SORL1: variants seen among roughly 807,000 people sequenced by gnomAD.
The protein encoded by SORL1 is sortilin related receptor 1, also known as sortilin-related receptor.
SORL1 carries 127 observed loss-of-function variants against 273.7 expected under a neutral mutation model. The observed-to-expected ratio is 0.46, with a 90% CI of 0.40 to 0.54. SORL1 has a LOEUF of 0.54. Among genes scored for constraint, SORL1 ranks in the 20% least tolerant of loss-of-function variants. The pLI is 0.00. For missense variants in SORL1, 2,494 were observed against 2,846.1 expected (o/e 0.88, Z 2.81); for synonymous variants, 1,031 against 1,067.4 (o/e 0.97, Z 0.66).
intron 1 of SORL1, among the ~76,000 whole-genome samples, chr11:121,456,657 G>A (rs1171304948): frequency 2.0e-5 from 3 of 152,240 alleles, no homozygotes; most frequent in African/African-American, 7.2e-5. Flanking sequence ...TATCATTCTG[G>A]TTTATGCTAA....
chr11:121,453,530 G>C, intron 1 of SORL1, among the ~76,000 whole-genome samples: 1 of 151,988 alleles, frequency 6.6e-6, no homozygotes, highest in East Asian at 1.9e-4. Context: ...GTCGGTGGGG[G>C]AGAAAAAGTA....
In SORL1 at chr11:121,467,610, C is replaced by T. The variant is rs143861501; in HGVS notation, c.286-2397C>T. Among the ~76,000 whole-genome samples the T allele has an allele frequency of 4.9e-3, 744 of 152,024 alleles. 7 individuals are homozygous for T. The highest frequency in any genetic ancestry group is 0.017 in the African/African-American group (697 of 41,430). On this transcript the variant is annotated intron_variant, in intron 1 of 47. Transcript: ENST00000260197. ...ATAGTTTTCTATCCCCACTCTGGTT[C>T]AAGAGTGCAGATGTTTTGGGAGGGG...
At chr11:121,469,967 A>G in intron 1 of SORL1, 40 bp from the exon 2 acceptor site, 1 of 1,241,602 alleles carries the variant, frequency 8.1e-7, no homozygotes, top group African/African-American at 1.5e-5. Context: ...TGTGGCCATC[A>G]CTTATCGTGG....
At chr11:121,562,027 T>C (rs1001001651) in intron 21 of SORL1, among the ~76,000 whole-genome samples, 1 of 152,182 alleles carries the variant, frequency 6.6e-6, no homozygotes, top group African/African-American at 2.4e-5. Context: ...TTGTTTGCTC[T>C]AACCTGCTTG....
chr11:121,471,223 G>T (rs1404681008), intron 2 of SORL1, among the ~76,000 whole-genome samples: 4 of 152,206 alleles, frequency 2.6e-5, no homozygotes, highest in Non-Finnish European at 5.9e-5. Flanking sequence ...GAGGAGCATT[G>T]ACTGTCAGCT....
In SORL1 at chr11:121,589,261, C is replaced by T; in HGVS notation, c.3949C>T (p.Gln1317Ter). ...DEDAAFAGCS[Q>*]DPEFHKVCDE... The stretch of plus-strand genomic sequence containing the variant: ...ATGGATGTTTGTTCCCTCTGTAGCC[C>T]AAGATCCTGAGTTCCACAAGGTATG... The change falls in exon 29 of 48, where the codon CAA (glutamine) becomes TAA (stop). Residue 1317 changes from glutamine (Q) to a stop codon, truncating the protein, a stop_gained and splice_region_variant. Transcript: ENST00000260197. LOFTEE classifies it high-confidence loss of function. 1.9e-6 allele frequency: 3 copies of T among 1,612,948 alleles called. No homozygotes were observed. The highest frequency in any genetic ancestry group is 2.5e-6 in the Non-Finnish European group (3 of 1,179,014).
chr11:121,462,885 A>C (rs1243883664), intron 1 of SORL1, among the ~76,000 whole-genome samples: 1 of 152,108 alleles, frequency 6.6e-6, no homozygotes, highest in East Asian at 1.9e-4. Context: ...CATTTTACTA[A>C]CACCTAGTAT....
At chr11:121,490,219 A>G in intron 5 of SORL1, 109 bp downstream of exon 5, 1 of 740,784 alleles carries the variant, frequency 1.3e-6, no homozygotes, top group Non-Finnish European at 2.4e-6. Context: ...GCATTTATTC[A>G]GGAAATACAT....
intron 43 of SORL1, among the ~76,000 whole-genome samples, chr11:121,620,244 A>T (rs1010477397): frequency 6.6e-6 from 1 of 152,202 alleles, no homozygotes; most frequent in Non-Finnish European, 1.5e-5. Flanking sequence ...CTATTTTTTT[A>T]AAATAAAGTT....
chr11:121,497,138 A>C, intron 6 of SORL1, 89 bp downstream of exon 6: 1 of 1,098,522 alleles, frequency 9.1e-7, no homozygotes, highest in Non-Finnish European at 1.3e-6. Flanking sequence ...GTTTGCATAC[A>C]CAGGAATTGG....
At chr11:121,575,174 G>T (rs1862909219) in intron 24 of SORL1, among the ~76,000 whole-genome samples, 1 of 152,158 alleles carries the variant, frequency 6.6e-6, no homozygotes, top group Non-Finnish European at 1.5e-5. Flanking sequence ...CTTATTCAAG[G>T]TGACACAATT....
At chr11:121,561,396 C>G (rs565163590) in intron 21 of SORL1, among the ~76,000 whole-genome samples, 29 of 152,344 alleles carry the variant, frequency 1.9e-4, no homozygotes, top group African/African-American at 6.0e-4. Context: ...TGGTGCCAGT[C>G]AGACAGGTCT....
At chr11:121,510,012 A>G (rs1704670915) in intron 6 of SORL1, among the ~76,000 whole-genome samples, 2 of 152,318 alleles carry the variant, frequency 1.3e-5, no homozygotes, top group South Asian at 4.1e-4. Context: ...CATCCTACCA[A>G]TGGTATTGTG....
chr11:121,455,258 G>C (rs188982869), intron 1 of SORL1, among the ~76,000 whole-genome samples: 15 of 152,324 alleles, frequency 9.8e-5, no homozygotes, highest in Admixed American at 9.2e-4. Flanking sequence ...ACAATGGTGT[G>C]ATAACGGGCT....
At chr11:121,586,070 G>C (rs1190460150) in intron 26 of SORL1, 152 bp from the exon 27 acceptor site, 1 of 615,456 alleles carries the variant, frequency 1.6e-6, no homozygotes, top group Non-Finnish European at 3.0e-6. Context: ...AGAATTACTG[G>C]GTCAAAGTGT....
chr11:121,517,835 T>G (rs1861978470), intron 8 of SORL1, among the ~76,000 whole-genome samples: 1 of 152,242 alleles, frequency 6.6e-6, no homozygotes, highest in Non-Finnish European at 1.5e-5. Context: ...TGATGTTTTG[T>G]CATCTGCATC....
chr11:121,619,542 TA>T (rs1863690467), intron 42 of SORL1, among the ~76,000 whole-genome samples: 1 of 152,198 alleles, frequency 6.6e-6, no homozygotes. Flanking sequence ...TATATATGCA[TA>T]GGGGATTTCT....
chr11:121,522,603 C>G lies in SORL1; in HGVS notation c.1422C>G (p.Ser474=), dbSNP rs897317554. 1.2e-6 allele frequency: 2 copies of G among 1,614,032 alleles called. No individual in the cohort carries two copies. The highest frequency in any genetic ancestry group is 1.7e-6 in the Non-Finnish European group (2 of 1,179,890). The change falls in exon 10 of 48, where the codon TCC becomes TCG. Residue 474 remains serine, a synonymous_variant. Coordinates refer to ENST00000260197, the MANE Select transcript of SORL1 (RefSeq NM_003105.6). ...TTGTATAGCTTTCCCAGGGCTGTTC[C>G]CTTCATCTGGCTCAGCGCCTCAGTC... ...KINCELSQGC[S]LHLAQRLSQL...
intron 4 of SORL1, 29 bp downstream of exon 4, chr11:121,488,222 T>A: frequency 1.2e-6 from 2 of 1,609,584 alleles, no homozygotes; most frequent in Non-Finnish European, 1.7e-6. Flanking sequence ...CCCAGTTGCA[T>A]GGGGCTCCTC....
Sources: allele counts gnomAD v4.1 joint callset (sites outside exome capture counted in the v4.1 genomes callset), GRCh38; gene constraint gnomAD v4.1.1; transcripts MANE v1.5; gene names NCBI Gene and HGNC (gene_info 2026-07-23, HGNC 2026-07-21).